The following CDH2 variants were observed in gnomAD, a reference collection of about 807,000 sequenced individuals.
CDH2 encodes cadherin 2.
A neutral mutation model predicts 92.0 loss-of-function variants in CDH2; 17 were observed. That is an observed-to-expected ratio of 0.18 (90% CI 0.13 to 0.28). The LOEUF (loss-of-function observed/expected upper bound fraction) is 0.28, where lower values mean the gene tolerates loss of function less well. Among genes scored for constraint, CDH2 ranks in the 10% least tolerant of loss-of-function variants. The pLI, the probability that CDH2 is intolerant of heterozygous loss-of-function variation, is 1.00. For missense variants in CDH2, 862 were observed against 1,133.1 expected (o/e 0.76, Z 3.44); for synonymous variants, 419 against 415.9 (o/e 1.01, Z -0.09).
At chr18:28,054,227 A>G (rs552506007) in intron 2 of CDH2, among the ~76,000 whole-genome samples, 3 of 152,284 alleles carry the variant, frequency 2.0e-5, no homozygotes, top group South Asian at 2.1e-4. Flanking sequence ...AATTTCATGC[A>G]TAAGAACCAT....
intron 9 of CDH2, among the ~76,000 whole-genome samples, chr18:27,991,242 C>A (rs2012404990): frequency 6.6e-6 from 1 of 152,120 alleles, no homozygotes; most frequent in African/African-American, 2.4e-5. Context: ...AAAACAAGAG[C>A]ATTAAGATCT....
chr18:28,018,816 G>C (rs1328111011), intron 2 of CDH2, among the ~76,000 whole-genome samples: 1 of 151,424 alleles, frequency 6.6e-6, no homozygotes, highest in African/African-American at 2.4e-5. Flanking sequence ...ATCCACTTCT[G>C]AGTATCTACC....
intron 2 of CDH2, among the ~76,000 whole-genome samples, chr18:28,094,836 C>A (rs563615634): frequency 2.7e-5 from 4 of 150,562 alleles, no homozygotes; most frequent in South Asian, 2.1e-4. Flanking sequence ...AGTTCCTCCC[C>A]ACTCTAAATG....
intron 1 of CDH2, among the ~76,000 whole-genome samples, chr18:28,170,099 G>A (rs770029651): frequency 2.0e-4 from 30 of 152,334 alleles, no homozygotes; most frequent in Admixed American, 8.5e-4. Flanking sequence ...GCATGGAAAC[G>A]TATCCATTAT....
chr18:28,010,682 C>T (rs17468192), intron 4 of CDH2, among the ~76,000 whole-genome samples: 17 of 143,414 alleles, frequency 1.2e-4, no homozygotes, highest in Non-Finnish European at 1.2e-4. Flanking sequence ...TTTTTTTTTG[C>T]GGGGGGGGAA....
In CDH2 at chr18:28,007,165, A is replaced by AATATATATAT. The variant is rs1555632742; in HGVS notation, c.703-1182_703-1173dup. ...ACAGAGTGAGACTCCATAAAAAAAA[A>AATATATATAT]ATATATATATATATATATATATATA... On this transcript the variant is annotated intron_variant, in intron 5 of 15. Coordinates refer to ENST00000269141, the MANE Select transcript of CDH2 (RefSeq NM_001792.5). Among the ~76,000 whole-genome samples the AATATATATAT allele has an allele frequency of 2.3e-4, 25 of 110,460 alleles. 1 individual carries two copies. Among genetic ancestry groups the AATATATATAT allele is most frequent in the East Asian group, 1.1e-3 (5 of 4,354 alleles). The allele number at this position is 110,460 out of a possible 152,430, so 72.5% of individuals were successfully genotyped here.
At chr18:28,054,300 T>TA (rs1246968441) in intron 2 of CDH2, among the ~76,000 whole-genome samples, 43 of 152,228 alleles carry the variant, frequency 2.8e-4, no homozygotes, top group Admixed American at 2.2e-3. Flanking sequence ...CAAAAATAGT[T>TA]AGACTGGCCA....
chr18:28,010,291 T>C (rs1233865819), intron 4 of CDH2, among the ~76,000 whole-genome samples: 2 of 152,210 alleles, frequency 1.3e-5, no homozygotes, highest in Non-Finnish European at 2.9e-5. Flanking sequence ...ATCCATAGTG[T>C]GAAATATACT....
chr18:28,170,984 T>A (rs1466355028), intron 1 of CDH2, among the ~76,000 whole-genome samples: 5 of 151,050 alleles, frequency 3.3e-5, no homozygotes, highest in African/African-American at 1.2e-4. Context: ...ATCCGAGCAC[T>A]TCGGGAGGCC....
At chr18:28,044,506 A>G (rs895608470) in intron 2 of CDH2, among the ~76,000 whole-genome samples, 4 of 152,300 alleles carry the variant, frequency 2.6e-5, no homozygotes, top group African/African-American at 9.6e-5. Flanking sequence ...TCCTACTGTC[A>G]ATAAGATAAA....
rs550501567 is a variant in CDH2 at position 28,084,054 on chromosome 18, A to T, written c.172+63619T>A. Among the ~76,000 whole-genome samples the T allele has an allele frequency of 6.6e-5, 10 of 152,314 alleles. No homozygotes were observed. In the South Asian group the frequency reaches 2.1e-3, roughly 32 times the overall value. On this transcript the variant is annotated intron_variant, in intron 2 of 15. Coordinates refer to ENST00000269141, the MANE Select transcript of CDH2 (RefSeq NM_001792.5). ...GTAGCCAGTAAGCAAATCAGCCATG[A>T]AGACTTTTGTCTGACAAATTCAAAT...
At chr18:27,952,732 A>T (rs983089777) in intron 15 of CDH2, among the ~76,000 whole-genome samples, 1 of 152,146 alleles carries the variant, frequency 6.6e-6, no homozygotes, top group Non-Finnish European at 1.5e-5. Context: ...GATTAAATTT[A>T]AAAAAAGCAC....
At chr18:27,965,728 A>G (rs957241735) in intron 14 of CDH2, among the ~76,000 whole-genome samples, 1 of 152,154 alleles carries the variant, frequency 6.6e-6, no homozygotes, top group African/African-American at 2.4e-5. Flanking sequence ...AGAGGGATTT[A>G]GTCCCCTGCA....
intron 14 of CDH2, among the ~76,000 whole-genome samples, chr18:27,970,020 A>G (rs969314960): frequency 1.3e-5 from 2 of 151,748 alleles, no homozygotes; most frequent in African/African-American, 4.9e-5. Context: ...ATAATAAAAA[A>G]ATTAAAATAA....
chr18:28,007,167 T>A (rs2920446), intron 5 of CDH2, among the ~76,000 whole-genome samples: 9,537 of 67,338 alleles, frequency 0.14, 388 homozygotes, highest in African/African-American at 0.22. Context: ...AAAAAAAAAA[T>A]ATATATATAT....
intron 2 of CDH2, among the ~76,000 whole-genome samples, chr18:28,069,960 C>T (rs17494290): frequency 0.064 from 9,674 of 152,138 alleles, 1,027 homozygotes; most frequent in African/African-American, 0.22. Context: ...AAGTTAAAGT[C>T]CACTTTAAGG....
chr18:27,959,114 T>C (rs1246383411), intron 15 of CDH2, among the ~76,000 whole-genome samples: 1 of 152,214 alleles, frequency 6.6e-6, no homozygotes, highest in African/African-American at 2.4e-5. Context: ...GTAAAATTAT[T>C]GGAGGTATAT....
chr18:27,999,833 G>C (rs2012709811), intron 7 of CDH2, among the ~76,000 whole-genome samples: 1 of 151,798 alleles, frequency 6.6e-6, no homozygotes. Context: ...CATGTGTCAA[G>C]GGCGGAACCG....
intron 14 of CDH2, among the ~76,000 whole-genome samples, chr18:27,966,717 A>G (rs2011542245): frequency 6.6e-6 from 1 of 152,230 alleles, no homozygotes; most frequent in Admixed American, 6.5e-5. Context: ...TGTGTATATA[A>G]CATACTTACA....
Sources: gnomAD v4.1 joint callset for allele counts (sites outside exome capture counted in the v4.1 genomes callset) on GRCh38, gnomAD v4.1.1 for gene constraint, MANE v1.5 for transcripts, NCBI Gene and HGNC (gene_info 2026-07-23, HGNC 2026-07-21) for gene names.